The following POLR1D variants were observed in gnomAD, a reference collection of about 807,000 sequenced individuals.
POLR1D encodes DNA-directed RNA polymerases I and III subunit RPAC2.
In POLR1D, 8 loss-of-function variants were observed where a neutral mutation model predicts 10.8. The ratio of observed to expected loss-of-function variants is 0.74; its 90% CI spans 0.43 to 1.33. The LOEUF is 1.33. POLR1D is among the 40% of genes most tolerant of loss of function. The pLI, the probability that POLR1D is intolerant of heterozygous loss-of-function variation, is 0.01. For synonymous variants in POLR1D, 54 were observed against 57.2 expected (o/e 0.94, Z 0.25); for missense variants, 152 against 161.7 (o/e 0.94, Z 0.32).
At chr13:27,653,606 C>A (rs538819112) in intron 2 of POLR1D, among the ~76,000 whole-genome samples, 1 of 152,084 alleles carries the variant, frequency 6.6e-6, no homozygotes, top group Non-Finnish European at 1.5e-5. Flanking sequence ...TGCACTCTTA[C>A]GTTATTGAGA....
intron 1 of POLR1D, among the ~76,000 whole-genome samples, chr13:27,642,255 T>C (rs981867625): frequency 2.0e-5 from 3 of 152,166 alleles, no homozygotes; most frequent in Admixed American, 6.5e-5. Context: ...CCCTAGTAGA[T>C]CAAAGTCCTC....
At chr13:27,638,684 C>T (rs1427698320) in intron 1 of POLR1D, among the ~76,000 whole-genome samples, 1 of 152,110 alleles carries the variant, frequency 6.6e-6, no homozygotes, top group East Asian at 1.9e-4. Flanking sequence ...GCAGGCTGAC[C>T]AGACTTTCTG....
downstream of POLR1D, among the ~76,000 whole-genome samples, chr13:27,627,532 G>C (rs1366584745): frequency 6.6e-6 from 1 of 152,094 alleles, no homozygotes; most frequent in Non-Finnish European, 1.5e-5. Flanking sequence ...AGTATTATGT[G>C]ATGAATTCAG....
rs8459 is a variant in POLR1D at position 27,623,280 on chromosome 13, C to T, written c.*30C>T. 1.2e-5 allele frequency: 20 copies of T among 1,612,352 alleles called. No homozygotes were observed. The highest frequency in any genetic ancestry group is 1.0e-4 in the South Asian group (9 of 90,384). ...TTATGCAGTATACAAGGAGAACTGTCCTGTAGGATATTCTCTTCCTGATGG... is the reference window on the plus strand; with the variant it reads ...TTATGCAGTATACAAGGAGAACTGTTCTGTAGGATATTCTCTTCCTGATGG... On this transcript the variant is annotated 3_prime_UTR_variant, in exon 2 of 2. Transcript: ENST00000302979.
chr13:27,642,631 G>T (rs1180847531), intron 1 of POLR1D, among the ~76,000 whole-genome samples: 1 of 151,616 alleles, frequency 6.6e-6, no homozygotes, highest in Non-Finnish European at 1.5e-5. Flanking sequence ...TTATTCCCCA[G>T]ATCTTAACTT....
chr13:27,626,765 T>C (rs541402727), downstream of POLR1D, among the ~76,000 whole-genome samples: 3 of 152,408 alleles, frequency 2.0e-5, no homozygotes, highest in South Asian at 6.2e-4. Flanking sequence ...TAACATGTAG[T>C]AATTCTGAGT....
chr13:27,665,174 G>A (rs1396621006), intron 2 of POLR1D: 2 of 155,502 alleles, frequency 1.3e-5, no homozygotes, highest in African/African-American at 4.8e-5. Flanking sequence ...AAAGATTATT[G>A]CATATTTATG....
At chr13:27,637,787 A>C (rs1053016620) in intron 1 of POLR1D, among the ~76,000 whole-genome samples, 1 of 151,558 alleles carries the variant, frequency 6.6e-6, no homozygotes, top group Non-Finnish European at 1.5e-5. Context: ...ATGGGTTTTA[A>C]TACATTAAAA....
intron 1 of POLR1D, among the ~76,000 whole-genome samples, chr13:27,629,089 G>A (rs1956047484): frequency 1.3e-5 from 2 of 152,200 alleles, no homozygotes; most frequent in African/African-American, 2.4e-5. Context: ...CTCCCAAAGT[G>A]CTAGGATTAT....
At chr13:27,653,198 C>A (rs547168125) in intron 2 of POLR1D, among the ~76,000 whole-genome samples, 1 of 152,052 alleles carries the variant, frequency 6.6e-6, no homozygotes, top group Non-Finnish European at 1.5e-5. Flanking sequence ...CCGTGCCCGG[C>A]CTGTATTTAC....
intron 2 of POLR1D, among the ~76,000 whole-genome samples, chr13:27,659,329 C>T (rs1287551260): frequency 6.6e-6 from 1 of 152,188 alleles, no homozygotes; most frequent in Non-Finnish European, 1.5e-5. Flanking sequence ...TGGCATGCCA[C>T]ACTGACTGTG....
At chr13:27,642,933 C>G (rs17085841) in intron 1 of POLR1D, among the ~76,000 whole-genome samples, 3 of 152,158 alleles carry the variant, frequency 2.0e-5, no homozygotes, top group Non-Finnish European at 4.4e-5. Context: ...AACAAAGGAT[C>G]TCATTAATTT....
At chr13:27,661,784 G>T (rs141741450) in intron 2 of POLR1D, among the ~76,000 whole-genome samples, 4 of 152,270 alleles carry the variant, frequency 2.6e-5, no homozygotes, top group Non-Finnish European at 4.4e-5. Context: ...ATGAGCAGAG[G>T]ATCCTAAAAC....
intron 2 of POLR1D, chr13:27,650,191 G>T (rs2138557834): frequency 2.5e-6 from 1 of 396,570 alleles, no homozygotes; most frequent in South Asian, 1.3e-4. Context: ...AAGCAAGGAA[G>T]CTCATCTGCG....
At chr13:27,665,545 T>G (rs1226175847) in intron 2 of POLR1D, 5 of 750,548 alleles carry the variant, frequency 6.7e-6, no homozygotes, top group Non-Finnish European at 1.2e-5. Flanking sequence ...TTACACTAGG[T>G]GGCATGCAAG....
intron 1 of POLR1D, chr13:27,648,070 C>A (rs892488923): frequency 3.5e-5 from 9 of 254,000 alleles, no homozygotes; most frequent in Admixed American, 2.0e-4. Context: ...TTTGGCTGTT[C>A]ATGTCTTTTG....
Position 27,621,924 on chromosome 13 carries a change from C to T in POLR1D, c.-60C>T. Reference sequence around the variant, plus strand: ...TCCTGCTTCGCCTCCGCGCCTCGCGCTATGGGACAGAGCCCCCGATCCGCC... The same window carrying T: ...TCCTGCTTCGCCTCCGCGCCTCGCGTTATGGGACAGAGCCCCCGATCCGCC... On this transcript the variant is annotated 5_prime_UTR_variant, in exon 1 of 2. Coordinates refer to ENST00000302979, the MANE Select transcript of POLR1D (RefSeq NM_015972.4). The T allele has an allele frequency of 1.3e-6, 2 of 1,551,776 alleles. No homozygotes were observed. The highest frequency in any genetic ancestry group is 1.8e-6 in the Non-Finnish European group (2 of 1,141,296).
chr13:27,652,660 A>G (rs533759115), intron 2 of POLR1D, among the ~76,000 whole-genome samples: 1 of 150,766 alleles, frequency 6.6e-6, no homozygotes, highest in African/African-American at 2.4e-5. Context: ...CACTTGAGTC[A>G]GGAGTTTGAG....
chr13:27,662,985 C>T lies in POLR1D; in HGVS notation c.102-2701C>T, dbSNP rs560938446. Among the ~76,000 whole-genome samples, 43 of 152,270 alleles carry T rather than the reference C, an allele frequency of 2.8e-4. No homozygotes were observed. The East Asian group carries it at 8.3e-3, about 29-fold the overall frequency. On this transcript the variant is annotated intron_variant, in intron 2 of 2. Coordinates refer to the POLR1D transcript ENST00000399697. ...GAGCATGTGTGCCCAGCCACTGTCT[C>T]ATGTAGTGTGATTTCTTAGCAATGA...
Sources: allele counts gnomAD v4.1 joint callset (sites outside exome capture counted in the v4.1 genomes callset), GRCh38; gene constraint gnomAD v4.1.1; transcripts MANE v1.5; gene names NCBI Gene and HGNC (gene_info 2026-07-23, HGNC 2026-07-21).